The following CORIN variants were observed in gnomAD, a reference collection of about 807,000 sequenced individuals.
The protein encoded by CORIN is atrial natriuretic peptide-converting enzyme.
Under a neutral mutation model 125.3 loss-of-function variants are expected in CORIN, and 117 were observed. The ratio of observed to expected loss-of-function variants is 0.93; its 90% CI spans 0.80 to 1.09. The LOEUF is 1.09. Among genes scored for constraint, CORIN ranks in the 50% least tolerant of loss-of-function variants. CORIN has a pLI of 0.00. For synonymous variants in CORIN, 450 were observed against 466.4 expected, an observed-to-expected ratio of 0.96 and a Z score of 0.45; for missense variants, 1,253 against 1,306.7, an observed-to-expected ratio of 0.96 and a Z score of 0.63.
rs145651823 is a variant in CORIN at position 47,760,455 on chromosome 4, G to T, written c.617+2924C>A. On this transcript the variant is annotated intron_variant, in intron 4 of 21. Coordinates refer to ENST00000273857, the MANE Select transcript of CORIN (RefSeq NM_006587.4). ...TTCTTGGTGCTTTTGTCAAAAACCA[G>T]TTTGATGTAAAGGCATGGATTTATT... Among the ~76,000 whole-genome samples the T allele has an allele frequency of 5.2e-4, 79 of 152,290 alleles. 1 individual carries two copies. In the East Asian group the frequency reaches 0.014, roughly 28 times the overall value.
intron 10 of CORIN, among the ~76,000 whole-genome samples, chr4:47,668,816 G>T (rs1351168665): frequency 6.6e-6 from 1 of 152,168 alleles, no homozygotes. Context: ...ATTAAGTAAT[G>T]ATCATATATT....
chr4:47,783,945 G>C (rs1730668137), intron 3 of CORIN, among the ~76,000 whole-genome samples: 1 of 152,006 alleles, frequency 6.6e-6, no homozygotes, highest in African/African-American at 2.4e-5. Flanking sequence ...TTACGGCAAA[G>C]AAAACAATAA....
chr4:47,744,316 G>T, intron 5 of CORIN, 86 bp downstream of exon 5: 1 of 1,247,804 alleles, frequency 8.0e-7, no homozygotes, highest in Non-Finnish European at 1.1e-6. Context: ...TTATCAGACT[G>T]TACACTTATT....
intron 16 of CORIN, among the ~76,000 whole-genome samples, chr4:47,640,356 A>T (rs941170792): frequency 6.6e-6 from 1 of 152,214 alleles, no homozygotes; most frequent in Non-Finnish European, 1.5e-5. Flanking sequence ...AGATGATTGA[A>T]AATGTGCTAA....
intron 8 of CORIN, among the ~76,000 whole-genome samples, chr4:47,678,996 T>C (rs1206745218): frequency 6.6e-6 from 1 of 152,250 alleles, no homozygotes. Context: ...TATGTCAAAA[T>C]AAAAACTATG....
chr4:47,662,049 T>C (rs1056081364), intron 11 of CORIN, among the ~76,000 whole-genome samples, 193 bp from the exon 12 acceptor site: 2 of 152,240 alleles, frequency 1.3e-5, no homozygotes, highest in African/African-American at 4.8e-5. Flanking sequence ...GAGTATACAT[T>C]CCAGCACCAC....
At chr4:47,827,770 G>T (rs1053083127) in intron 1 of CORIN, among the ~76,000 whole-genome samples, 38 of 152,036 alleles carry the variant, frequency 2.5e-4, no homozygotes, top group African/African-American at 8.9e-4. Context: ...ATTTAAAGAA[G>T]ATTTTCTCCT....
chr4:47,798,379 C>A (rs1428034255), intron 2 of CORIN, among the ~76,000 whole-genome samples: 3 of 152,116 alleles, frequency 2.0e-5, no homozygotes, highest in African/African-American at 7.2e-5. Context: ...GCTTTTGAAG[C>A]TAGAGCTCCT....
intron 1 of CORIN, among the ~76,000 whole-genome samples, chr4:47,811,060 A>G (rs1238990187): frequency 6.6e-6 from 1 of 152,188 alleles, no homozygotes; most frequent in Non-Finnish European, 1.5e-5. Flanking sequence ...AGTCTCATAG[A>G]TGCTACATTA....
At chr4:47,707,346 G>A (rs1330215835) in intron 5 of CORIN, among the ~76,000 whole-genome samples, 1 of 152,162 alleles carries the variant, frequency 6.6e-6, no homozygotes, top group Non-Finnish European at 1.5e-5. Flanking sequence ...TTTCAAGACT[G>A]CTTAAAAGTA....
chr4:47,699,449 C>T (rs576501360), intron 5 of CORIN, among the ~76,000 whole-genome samples: 3 of 152,346 alleles, frequency 2.0e-5, no homozygotes, highest in East Asian at 3.9e-4. Flanking sequence ...TTATAGCTCA[C>T]ATAATTTATA....
At chr4:47,818,530 C>CAGAT (rs1732371247) in intron 1 of CORIN, among the ~76,000 whole-genome samples, 1 of 152,094 alleles carries the variant, frequency 6.6e-6, no homozygotes, top group African/African-American at 2.4e-5. Flanking sequence ...TTAAAAGCTG[C>CAGAT]AGATAGACAT....
chr4:47,709,189 A>G (rs1386716903), intron 5 of CORIN, among the ~76,000 whole-genome samples: 1 of 150,108 alleles, frequency 6.7e-6, no homozygotes, highest in Non-Finnish European at 1.5e-5. Flanking sequence ...GCAGACATAG[A>G]AAAGACAGCA....
At chr4:47,816,834 ACACACACACGTG>A (rs1380466149) in intron 1 of CORIN, among the ~76,000 whole-genome samples, 2 of 148,572 alleles carry the variant, frequency 1.3e-5, no homozygotes, top group Non-Finnish European at 3.0e-5. Flanking sequence ...TAGCACAAGC[ACACACACACGTG>A]CACACACACA....
intron 5 of CORIN, among the ~76,000 whole-genome samples, chr4:47,727,393 C>T (rs533853785): frequency 6.6e-6 from 1 of 152,088 alleles, no homozygotes; most frequent in East Asian, 1.9e-4. Flanking sequence ...GCATCTAATA[C>T]ATCAAGATAT....
At chr4:47,781,051 T>C (rs1467679654) in intron 3 of CORIN, among the ~76,000 whole-genome samples, 1 of 151,008 alleles carries the variant, frequency 6.6e-6, no homozygotes, top group Non-Finnish European at 1.5e-5. Flanking sequence ...AAAAAACAAA[T>C]AGCAAAATGA....
intron 6 of CORIN, among the ~76,000 whole-genome samples, chr4:47,688,526 C>T (rs1725624793): frequency 6.6e-6 from 1 of 152,068 alleles, no homozygotes; most frequent in South Asian, 2.1e-4. Context: ...TGCTTGAGCT[C>T]GGGTAGTGGA....
chr4:47,713,278 A>G (rs911181772), intron 5 of CORIN, among the ~76,000 whole-genome samples: 12 of 152,240 alleles, frequency 7.9e-5, no homozygotes, highest in African/African-American at 2.4e-4. Context: ...AGACAGTAAC[A>G]AACAACAGAA....
intron 9 of CORIN, among the ~76,000 whole-genome samples, chr4:47,676,462 C>A (rs985258615): frequency 6.6e-6 from 1 of 152,136 alleles, no homozygotes; most frequent in Non-Finnish European, 1.5e-5. Flanking sequence ...GGCATGCACC[C>A]TATTAAGGGC....
Sources: allele counts gnomAD v4.1 joint callset (sites outside exome capture counted in the v4.1 genomes callset), GRCh38; gene constraint gnomAD v4.1.1; transcripts MANE v1.5; gene names NCBI Gene and HGNC (gene_info 2026-07-23, HGNC 2026-07-21).